Variants in GLI2 observed in about 807,000 individuals in gnomAD.
The protein encoded by GLI2 is GLI family zinc finger 2, also known as transcription activator GLI2.
Under a neutral mutation model 78.9 loss-of-function variants are expected in GLI2, and 22 were observed. That is an observed-to-expected ratio of 0.28 (90% confidence interval 0.20 to 0.40). The LOEUF is 0.40. GLI2 is among the 10% of genes least tolerant of loss of function. The probability of loss-of-function intolerance (pLI) is 1.00; values close to 1 mark genes in which losing one functional copy is unlikely to be tolerated. For missense variants in GLI2, 2,097 were observed against 2,213.2 expected, an observed-to-expected ratio of 0.95 and a Z score of 1.05; for synonymous variants, 974 against 963.7, an observed-to-expected ratio of 1.01 and a Z score of -0.20.
rs756017346 is a variant in GLI2, at chr2:120,804,427, T to C, written c.148+6959T>C. ...CATGCCAGAGGTGTTCCCGGTGGGC[T>C]GGTGTGGTCAGCTGTCTCTGGGTAT... On this transcript the variant is annotated intron_variant, in intron 2 of 13. Transcript: ENST00000361492. Among the ~76,000 whole-genome samples, 39 of 152,318 alleles carry C rather than the reference T, an allele frequency of 2.6e-4. 1 individual carries two copies. Among genetic ancestry groups the C allele is most frequent in the Non-Finnish European group, 3.4e-4 (23 of 68,026 alleles).
At chr2:120,889,050 A>T (rs1677552748) in intron 2 of GLI2, among the ~76,000 whole-genome samples, 1 of 152,232 alleles carries the variant, frequency 6.6e-6, no homozygotes, top group African/African-American at 2.4e-5. Flanking sequence ...CCCTCCAGCA[A>T]GGGTGATGGG....
chr2:120,911,877 G>A (rs1678840472), intron 2 of GLI2, among the ~76,000 whole-genome samples: 1 of 152,072 alleles, frequency 6.6e-6, no homozygotes, highest in African/African-American at 2.4e-5. Context: ...GAGGCATGGG[G>A]TCTGCAAGGC....
At chr2:120,955,148 T>A in intron 4 of GLI2, 97 bp from the exon 5 acceptor site, 1 of 746,456 alleles carries the variant, frequency 1.3e-6, no homozygotes, top group Non-Finnish European at 2.3e-6. Flanking sequence ...TGCATTTCTC[T>A]CTGCCTTTTT....
Position 120,986,662 on chromosome 2 carries a change from G to A in GLI2, c.2242+48G>A, listed in dbSNP as rs947963973. ...CAGATGGGGCAGAAGAGAGTCTGGG[G>A]CAGCACCAACTAGGCTGGCACCCAC... On this transcript the variant is annotated intron_variant, in intron 13 of 13. Coordinates refer to ENST00000361492, the MANE Select transcript of GLI2 (RefSeq NM_001374353.1). The A allele has an allele frequency of 3.3e-6, 5 of 1,499,472 alleles. No individual in the cohort carries two copies. The African/African-American group carries it at 5.5e-5, about 16-fold the overall frequency. 92.9% of individuals were successfully genotyped at this position (1,499,472 alleles called of 1,614,324 possible).
chr2:120,743,051 G>C (rs1439534632), intron 1 of GLI2, among the ~76,000 whole-genome samples: 1 of 152,190 alleles, frequency 6.6e-6, no homozygotes, highest in African/African-American at 2.4e-5. Flanking sequence ...GGAATCTGCA[G>C]CTCACCATAC....
At chr2:120,976,180 G>A (rs1479728602) in intron 9 of GLI2, among the ~76,000 whole-genome samples, 2 of 152,110 alleles carry the variant, frequency 1.3e-5, no homozygotes, top group South Asian at 2.1e-4. Context: ...ACACACGCAC[G>A]TGCACACACA....
At chr2:120,880,245 T>G (rs1452207964) in intron 2 of GLI2, among the ~76,000 whole-genome samples, 6 of 152,230 alleles carry the variant, frequency 3.9e-5, no homozygotes, top group Non-Finnish European at 8.8e-5. Context: ...GTCGTCCAGA[T>G]GCTTTGTTTT....
In GLI2 at chr2:120,968,810, G is replaced by A. The variant is rs1445852776; in HGVS notation, c.740G>A (p.Arg247Gln). The change falls in exon 6 of 14, where the codon CGG (arginine) becomes CAG (glutamine). Residue 247 changes from arginine to glutamine, a missense_variant. By Grantham distance (43) the Arg-to-Gln change is conservative. Transcript: ENST00000361492. ...TCAGACGCCAGCCTGGACCTGCAGC[G>A]GATGATCCGCACCTCACCCAACTCG... ...PLSDASLDLQ[R>Q]MIRTSPNSLV... The A allele has an allele frequency of 3.7e-6, 6 of 1,613,660 alleles. No individual in the cohort carries two copies. Among genetic ancestry groups the A allele is most frequent in the East Asian group, 4.5e-5 (2 of 44,882 alleles).
At chr2:120,818,972 CAT>C (rs76767857) in intron 2 of GLI2, among the ~76,000 whole-genome samples, 66,314 of 151,796 alleles carry the variant, frequency 0.44, 14,999 homozygotes, top group South Asian at 0.52. Flanking sequence ...TGCTGGGAAA[CAT>C]ATCATTTTGT....
intron 2 of GLI2, among the ~76,000 whole-genome samples, chr2:120,869,392 G>GT (rs951541132): frequency 1.3e-5 from 2 of 152,086 alleles, no homozygotes; most frequent in African/African-American, 2.4e-5. Flanking sequence ...AAACAATTTA[G>GT]TTTTTTTCCC....
intron 2 of GLI2, among the ~76,000 whole-genome samples, chr2:120,843,314 G>A (rs572936278): frequency 6.6e-6 from 1 of 152,304 alleles, no homozygotes; most frequent in South Asian, 2.1e-4. Context: ...CCATAGGCAG[G>A]ATCCATACCA....
At chr2:120,803,733 A>T (rs1007070929) in intron 2 of GLI2, among the ~76,000 whole-genome samples, 2 of 152,194 alleles carry the variant, frequency 1.3e-5, no homozygotes, top group African/African-American at 2.4e-5. Context: ...AAAGCTGGCC[A>T]AGCCTTAGAC....
intron 2 of GLI2, among the ~76,000 whole-genome samples, chr2:120,869,557 C>T (rs1319528463): frequency 2.0e-5 from 3 of 152,202 alleles, no homozygotes; most frequent in Non-Finnish European, 4.4e-5. Context: ...TCCAGCATTC[C>T]TCTTCCTGAT....
chr2:120,755,887 A>G (rs568317859), intron 1 of GLI2, among the ~76,000 whole-genome samples: 19 of 152,258 alleles, frequency 1.2e-4, no homozygotes, highest in Non-Finnish European at 2.5e-4. Context: ...TGCTTCCCAT[A>G]TATGTGTGGG....
chr2:120,941,321 A>C (rs1463885562), intron 3 of GLI2, among the ~76,000 whole-genome samples: 1 of 152,242 alleles, frequency 6.6e-6, no homozygotes, highest in Non-Finnish European at 1.5e-5. Context: ...TTTTTAAAAC[A>C]AATGTATGGG....
intron 2 of GLI2, among the ~76,000 whole-genome samples, chr2:120,889,679 A>G (rs1168662324): frequency 6.6e-6 from 1 of 152,166 alleles, no homozygotes; most frequent in Non-Finnish European, 1.5e-5. Flanking sequence ...ACAGAAAGAG[A>G]CCTTTCACAA....
intron 3 of GLI2, among the ~76,000 whole-genome samples, chr2:120,935,138 C>T (rs907416291): frequency 6.6e-6 from 1 of 152,180 alleles, no homozygotes; most frequent in African/African-American, 2.4e-5. Context: ...CTTTTCAGAG[C>T]CTAGAGGAAG....
chr2:120,825,230 G>A (rs1685989787), intron 2 of GLI2, among the ~76,000 whole-genome samples: 1 of 152,240 alleles, frequency 6.6e-6, no homozygotes, highest in Non-Finnish European at 1.5e-5. Flanking sequence ...TGTTTAAGGA[G>A]CCCATTTATC....
At chr2:120,877,721 AATATTTTTTCCTGTTATTGTGG>A (rs371363429) in intron 2 of GLI2, among the ~76,000 whole-genome samples, 115 of 152,292 alleles carry the variant, frequency 7.6e-4, no homozygotes, top group African/African-American at 2.8e-3. Flanking sequence ...ATTGTTGAAT[AATATTTTTTCCTGTTATTGTGG>A]ATATAGCACA....
Sources: allele counts gnomAD v4.1 joint callset (sites outside exome capture counted in the v4.1 genomes callset), GRCh38; gene constraint gnomAD v4.1.1; transcripts MANE v1.5; gene names NCBI Gene and HGNC (gene_info 2026-07-23, HGNC 2026-07-21).